Variants in DMD observed in about 807,000 individuals in gnomAD.
DMD encodes the protein mutant dystrophin.
Under a neutral mutation model 330.1 loss-of-function variants are expected in DMD, and 63 were observed. The observed-to-expected ratio is 0.19, with a 90% CI of 0.16 to 0.24. The LOEUF is 0.24. DMD is among the 10% of genes least tolerant of loss of function. The probability of loss-of-function intolerance (pLI) is 1.00; values close to 1 mark genes in which losing one functional copy is unlikely to be tolerated. For missense variants in DMD, 3,344 were observed against 2,684.1 expected (o/e 1.25, Z -5.43); for synonymous variants, 1,223 against 959.8 (o/e 1.27, Z -5.07).
intron 20 of DMD, among the ~76,000 whole-genome samples, chrX:32,487,303 A>T (rs1050981982): frequency 5.4e-5 from 6 of 111,992 alleles, no homozygotes; most frequent in Non-Finnish European, 1.1e-4. Flanking sequence ...TGCCCTTTTT[A>T]AAAGTGTTAT....
intron 44 of DMD, among the ~76,000 whole-genome samples, chrX:32,120,585 C>A (rs1256883824): frequency 1.8e-5 from 2 of 111,978 alleles, no homozygotes; most frequent in East Asian, 2.8e-4. Flanking sequence ...TCAGAAGAGT[C>A]TCAACACATT....
At chrX:32,293,423 CAGA>C in intron 42 of DMD, among the ~76,000 whole-genome samples, 1 of 110,972 alleles carries the variant, frequency 9.0e-6, no homozygotes, top group East Asian at 2.9e-4. Context: ...GGAAGAGAAC[CAGA>C]AGGAGGGAGG....
At chrX:32,657,842 A>C (rs968128750) in intron 9 of DMD, among the ~76,000 whole-genome samples, 1 of 111,770 alleles carries the variant, frequency 8.9e-6, no homozygotes, top group Non-Finnish European at 1.9e-5. Context: ...AATACGTCTC[A>C]TGGAAAAACA....
At chrX:33,142,845 G>A (rs2047863797) in intron 1 of DMD, among the ~76,000 whole-genome samples, 1 of 112,183 alleles carries the variant, frequency 8.9e-6, no homozygotes, top group African/African-American at 3.2e-5. Flanking sequence ...GCGTGCTAAA[G>A]CATAGGCTTT....
chrX:32,055,382 T>A (rs1263312481), intron 44 of DMD, among the ~76,000 whole-genome samples: 1 of 112,296 alleles, frequency 8.9e-6, no homozygotes, highest in East Asian at 2.8e-4. Context: ...ATTCAATTTA[T>A]AGTAACAGAT....
chrX:31,419,498 T>C (rs2063250141), intron 60 of DMD, among the ~76,000 whole-genome samples: 1 of 110,641 alleles, frequency 9.0e-6, no homozygotes, highest in Non-Finnish European at 1.9e-5. Context: ...AGTCCCTCTG[T>C]TATACTCTCT....
intron 17 of DMD, among the ~76,000 whole-genome samples, chrX:32,523,112 T>C (rs1225538154): frequency 4.5e-5 from 5 of 111,858 alleles, no homozygotes; most frequent in African/African-American, 1.3e-4. Context: ...AGATTTCTAC[T>C]AGGCGTTGAA....
intron 41 of DMD, among the ~76,000 whole-genome samples, chrX:32,329,156 G>A (rs1017035158): frequency 1.8e-5 from 2 of 112,491 alleles, no homozygotes; most frequent in Non-Finnish European, 1.9e-5. Flanking sequence ...ACATTCTAAT[G>A]ATAGCAGACA....
At chrX:31,695,312 C>T (rs905185426) in intron 52 of DMD, among the ~76,000 whole-genome samples, 1 of 110,191 alleles carries the variant, frequency 9.1e-6, no homozygotes, top group Non-Finnish European at 1.9e-5. Flanking sequence ...GGATTGTTAG[C>T]GGCTACAAAA....
intron 3 of DMD, among the ~76,000 whole-genome samples, chrX:32,848,086 C>T (rs530085471): frequency 4.5e-5 from 5 of 111,862 alleles, no homozygotes; most frequent in African/African-American, 1.6e-4. Context: ...TGGATTGACT[C>T]AGTCAGGGAA....
chrX:32,505,180 T>C (rs761484408), intron 18 of DMD, among the ~76,000 whole-genome samples: 240 of 111,625 alleles, frequency 2.2e-3, no homozygotes, highest in Non-Finnish European at 3.7e-3. Flanking sequence ...TGAATAGTAC[T>C]AAGTTAAAAG....
In DMD at chrX:31,973,843, G is replaced by A. The variant is rs376515331; in HGVS notation, c.6439-5329C>T. Among the ~76,000 whole-genome samples, 10 of 111,708 alleles carry A rather than the reference G, an allele frequency of 9.0e-5. No homozygotes were observed. The East Asian group carries it at 2.8e-3, about 32-fold the overall frequency. On this transcript the variant is annotated intron_variant, in intron 44 of 78. Coordinates refer to ENST00000357033, the MANE Select transcript of DMD (RefSeq NM_004006.3). ...CTGAATATTAAGCATGACCGAATGA[G>A]GGCTTTCTTCTCTTGAACAGAAAAT...
At chrX:31,943,871 C>CAGAGAGTG (rs2095040396) in intron 45 of DMD, among the ~76,000 whole-genome samples, 3 of 53,218 alleles carry the variant, frequency 5.6e-5, no homozygotes, top group Non-Finnish European at 1.2e-4. Flanking sequence ...CGAAGTTCCC[C>CAGAGAGTG]AGAGAGTGAG....
chrX:31,508,357 T>C, intron 55 of DMD: 1 of 886,970 alleles, frequency 1.1e-6, no homozygotes, highest in Non-Finnish European at 1.6e-6. Flanking sequence ...GTTGACAGAA[T>C]GAATTTTGGA....
chrX:32,085,542 G>T (rs138777737), intron 44 of DMD, among the ~76,000 whole-genome samples: 3 of 97,980 alleles, frequency 3.1e-5, no homozygotes, highest in Admixed American at 1.1e-4. Flanking sequence ...AGAACATGGG[G>T]TATCTTTCTG....
At chrX:31,941,135 C>T (rs774057847) in intron 45 of DMD, among the ~76,000 whole-genome samples, 3 of 111,799 alleles carry the variant, frequency 2.7e-5, no homozygotes, top group South Asian at 3.7e-4. Context: ...AAACAGGCTT[C>T]GGGAAAATCT....
At chrX:33,019,480 G>A (rs779692573) in intron 2 of DMD, among the ~76,000 whole-genome samples, 1 of 111,534 alleles carries the variant, frequency 9.0e-6, no homozygotes, top group East Asian at 2.8e-4. Flanking sequence ...TAAAATGCAA[G>A]TCTTTTAAAC....
At chrX:33,197,163 G>A (rs970153532) in intron 1 of DMD, among the ~76,000 whole-genome samples, 5 of 111,418 alleles carry the variant, frequency 4.5e-5, no homozygotes, top group Non-Finnish European at 7.5e-5. Context: ...ACTTATCCTC[G>A]ATTAGGTTTG....
intron 44 of DMD, among the ~76,000 whole-genome samples, chrX:31,984,961 G>A (rs184485727): frequency 8.3e-4 from 93 of 111,403 alleles, no homozygotes; most frequent in African/African-American, 2.8e-3. Flanking sequence ...AACAATGATG[G>A]GACAACAAAT....
Sources: allele counts gnomAD v4.1 joint callset (sites outside exome capture counted in the v4.1 genomes callset), GRCh38; gene constraint gnomAD v4.1.1; transcripts MANE v1.5; gene names NCBI Gene and HGNC (gene_info 2026-07-23, HGNC 2026-07-21).